PAPSS2: variants seen among roughly 807,000 people sequenced by gnomAD.
The protein encoded by PAPSS2 is 3'-phosphoadenosine 5'-phosphosulfate synthase 2, also known as bifunctional 3'-phosphoadenosine 5'-phosphosulfate synthase 2.
A neutral mutation model predicts 66.5 loss-of-function variants in PAPSS2; 61 were observed. The ratio of observed to expected loss-of-function variants is 0.92; its 90% CI spans 0.75 to 1.14. PAPSS2 has a LOEUF of 1.14. PAPSS2 is among the 50% of genes most tolerant of loss of function. The pLI, the probability that PAPSS2 is intolerant of heterozygous loss-of-function variation, is 0.00. For synonymous variants in PAPSS2, 289 were observed against 287.5 expected (o/e 1.01, Z -0.05); for missense variants, 708 against 789.6 (o/e 0.90, Z 1.24).
At chr10:87,670,984 A>G (rs1459432001) in intron 1 of PAPSS2, among the ~76,000 whole-genome samples, 1 of 152,186 alleles carries the variant, frequency 6.6e-6, no homozygotes, top group African/African-American at 2.4e-5. Flanking sequence ...CCCAAATAGA[A>G]GAAGGGAACA....
intron 10 of PAPSS2, among the ~76,000 whole-genome samples, chr10:87,741,913 A>G (rs999938871): frequency 1.4e-4 from 21 of 152,200 alleles, no homozygotes; most frequent in African/African-American, 4.6e-4. Flanking sequence ...ACATGCCACC[A>G]TACTCTGCTA....
intron 1 of PAPSS2, among the ~76,000 whole-genome samples, chr10:87,702,834 T>G (rs972389374): frequency 6.6e-6 from 1 of 151,932 alleles, no homozygotes; most frequent in African/African-American, 2.4e-5. Context: ...TCCATGACAC[T>G]CCTCCCTGGG....
At position 87,688,126 on chromosome 10, in the gene PAPSS2, C is replaced by A. The variant is rs539380538; in HGVS notation, c.28-21070C>A. On this transcript the variant is annotated intron_variant, in intron 1 of 12. Coordinates refer to ENST00000456849, the MANE Select transcript of PAPSS2 (RefSeq NM_001015880.2). ...ACTATAAAGTAAAAATTATTGTAGGCCTTCTAAGGAATTTATAATTCATTA... is the reference window on the plus strand; with the variant it reads ...ACTATAAAGTAAAAATTATTGTAGGACTTCTAAGGAATTTATAATTCATTA... Among the ~76,000 whole-genome samples, 19 of 151,872 alleles carry A rather than the reference C, an allele frequency of 1.3e-4. No homozygotes were observed. In the South Asian group the frequency reaches 3.7e-3, roughly 30 times the overall value.
intron 1 of PAPSS2, among the ~76,000 whole-genome samples, chr10:87,683,918 C>T (rs558016100): frequency 1.8e-4 from 27 of 152,234 alleles, no homozygotes; most frequent in African/African-American, 6.3e-4. Flanking sequence ...TGGTCTTGAA[C>T]TCCTGGCTTC....
In PAPSS2 at chr10:87,676,126, C is replaced by T. The variant is rs191423643; in HGVS notation, c.27+16118C>T. Among the ~76,000 whole-genome samples the T allele has an allele frequency of 7.2e-5, 11 of 151,916 alleles. 1 individual carries two copies. The highest frequency in any genetic ancestry group is 2.0e-4 in the Admixed American group (3 of 15,262). ...GCTTACTATCCTTGTCCTGTTTTAC[C>T]GTTACCTAATGGGAAGACAGCTTTC... On this transcript the variant is annotated intron_variant, in intron 1 of 12. Transcript: ENST00000456849.
At chr10:87,718,019 ATTTTCTTTTTTCTTTTCTTTT>A (rs928896540) in intron 7 of PAPSS2, among the ~76,000 whole-genome samples, 3 of 150,958 alleles carry the variant, frequency 2.0e-5, no homozygotes, top group Non-Finnish European at 3.0e-5. Flanking sequence ...AAACCTGTTG[ATTTTCTTTTTTCTTTTCTTTT>A]TTTTCTTTTT....
rs781653725 is a variant in PAPSS2 at position 87,715,115 on chromosome 10, T to C, written c.753+17T>C. 3.9e-6 allele frequency: 5 copies of C among 1,288,558 alleles called. No individual in the cohort carries two copies. The South Asian group carries it at 5.9e-5, about 15-fold the overall frequency. 79.8% of individuals were successfully genotyped at this position (1,288,558 alleles called of 1,614,324 possible). A position where few individuals can be genotyped will look rare whatever the true frequency, so the allele number is the denominator to read the frequency against. On this transcript the variant is annotated intron_variant, in intron 6 of 12. Coordinates refer to ENST00000456849, the MANE Select transcript of PAPSS2 (RefSeq NM_001015880.2). ...ATTACTAAGGTAAGTGGGTGCAGACTGGTCAAATAATTAGGCTTAATATCA... is the reference window on the plus strand; with the variant it reads ...ATTACTAAGGTAAGTGGGTGCAGACCGGTCAAATAATTAGGCTTAATATCA...
At chr10:87,672,548 C>T (rs1852891320) in intron 1 of PAPSS2, among the ~76,000 whole-genome samples, 1 of 152,092 alleles carries the variant, frequency 6.6e-6, no homozygotes, top group Admixed American at 6.6e-5. Context: ...CCTGGATTAC[C>T]TTTTTATATC....
chr10:87,670,600 A>ACT (rs1554861631), intron 1 of PAPSS2, among the ~76,000 whole-genome samples: 1 of 151,548 alleles, frequency 6.6e-6, no homozygotes, highest in East Asian at 1.9e-4. Flanking sequence ...ACACACACAC[A>ACT]CTCATGCTGA....
chr10:87,739,890 C>G (rs1330938872), intron 9 of PAPSS2, among the ~76,000 whole-genome samples: 1 of 152,136 alleles, frequency 6.6e-6, no homozygotes, highest in African/African-American at 2.4e-5. Flanking sequence ...CCCTTGAGTC[C>G]CCGTCTTTTT....
At chr10:87,693,243 G>A (rs1853193062) in intron 1 of PAPSS2, among the ~76,000 whole-genome samples, 1 of 152,152 alleles carries the variant, frequency 6.6e-6, no homozygotes, top group Non-Finnish European at 1.5e-5. Context: ...AGCCAGGCTG[G>A]CATGGCCACA....
At chr10:87,689,864 T>A (rs1343617391) in intron 1 of PAPSS2, among the ~76,000 whole-genome samples, 2 of 152,164 alleles carry the variant, frequency 1.3e-5, no homozygotes, top group African/African-American at 4.8e-5. Context: ...CAATATAGCT[T>A]ATAATAGAAA....
intron 1 of PAPSS2, among the ~76,000 whole-genome samples, chr10:87,705,977 C>T (rs1853378556): frequency 6.6e-6 from 1 of 150,468 alleles, no homozygotes. Context: ...CATGATCTGC[C>T]CGCCTCGGCC....
intron 1 of PAPSS2, among the ~76,000 whole-genome samples, chr10:87,668,997 C>T (rs1852845086): frequency 6.6e-6 from 1 of 152,182 alleles, no homozygotes; most frequent in South Asian, 2.1e-4. Context: ...TGGTTTATTA[C>T]ATTCTGACTT....
At chr10:87,680,130 G>A (rs899947663) in intron 1 of PAPSS2, among the ~76,000 whole-genome samples, 2 of 152,010 alleles carry the variant, frequency 1.3e-5, no homozygotes. Flanking sequence ...AACCAAGAGC[G>A]AGAACCCAAA....
At chr10:87,697,846 A>T (rs1202770343) in intron 1 of PAPSS2, among the ~76,000 whole-genome samples, 2 of 152,130 alleles carry the variant, frequency 1.3e-5, no homozygotes, top group African/African-American at 4.8e-5. Context: ...AGACCTCTGG[A>T]TTGACATCTA....
At chr10:87,673,578 ATGTGTG>A (rs35768490) in intron 1 of PAPSS2, among the ~76,000 whole-genome samples, 2,371 of 148,160 alleles carry the variant, frequency 0.016, 58 homozygotes, top group African/African-American at 0.056. Flanking sequence ...GTATGTATTC[ATGTGTG>A]TGTGTGTGTG....
intron 1 of PAPSS2, among the ~76,000 whole-genome samples, chr10:87,682,139 C>T (rs1853029012): frequency 6.6e-6 from 1 of 152,150 alleles, no homozygotes; most frequent in Admixed American, 6.5e-5. Context: ...GGGAAAAGGA[C>T]AAGAATGGCA....
At chr10:87,660,825 A>AAC in intron 1 of PAPSS2, among the ~76,000 whole-genome samples, 1 of 120,858 alleles carries the variant, frequency 8.3e-6, no homozygotes, top group Non-Finnish European at 1.9e-5. Context: ...AAAAAAAAAA[A>AAC]AAAAAAAAAC....
Sources: gnomAD v4.1 joint callset for allele counts (sites outside exome capture counted in the v4.1 genomes callset) on GRCh38, gnomAD v4.1.1 for gene constraint, MANE v1.5 for transcripts, NCBI Gene and HGNC (gene_info 2026-07-23, HGNC 2026-07-21) for gene names.